Variants in FBXL20 observed in about 807,000 individuals in gnomAD.
The protein encoded by FBXL20 is F-box/LRR-repeat protein 20.
Under a neutral mutation model 64.0 loss-of-function variants are expected in FBXL20, and 11 were observed. The ratio of observed to expected loss-of-function variants is 0.17; its 90% CI spans 0.11 to 0.28. The LOEUF is 0.28. Among genes scored for constraint, FBXL20 ranks in the 10% least tolerant of loss-of-function variants. The pLI, the probability that FBXL20 is intolerant of heterozygous loss-of-function variation, is 1.00. For missense variants in FBXL20, 303 were observed against 526.2 expected (o/e 0.58, Z 4.15); for synonymous variants, 184 against 189.0 (o/e 0.97, Z 0.22).
intron 1 of FBXL20, among the ~76,000 whole-genome samples, chr17:39,351,892 A>T (rs991909502): frequency 1.3e-5 from 2 of 152,240 alleles, no homozygotes; most frequent in African/African-American, 4.8e-5. Context: ...AACTTGGTTT[A>T]TATACAATAA....
At chr17:39,367,940 T>C (rs2047877218) in intron 1 of FBXL20, among the ~76,000 whole-genome samples, 2 of 151,356 alleles carry the variant, frequency 1.3e-5, no homozygotes, top group South Asian at 4.2e-4. Flanking sequence ...ATTTTTTTTT[T>C]CTTTTTTTTG....
At chr17:39,394,478 CG>C (rs889716700) in intron 1 of FBXL20, among the ~76,000 whole-genome samples, 119 of 151,704 alleles carry the variant, frequency 7.8e-4, no homozygotes, top group African/African-American at 2.9e-3. Context: ...GGGGTTTCAC[CG>C]TGTTAGCCAG....
chr17:39,366,694 G>GA (rs1486063218), intron 1 of FBXL20, among the ~76,000 whole-genome samples: 1 of 152,150 alleles, frequency 6.6e-6, no homozygotes, highest in African/African-American at 2.4e-5. Context: ...GAAGATATCT[G>GA]AAGACACTGC....
rs185691468 is a variant in FBXL20, at chr17:39,327,706, G to A, written c.104+15474C>T. On this transcript the variant is annotated intron_variant, in intron 2 of 14. Transcript: ENST00000264658. ...CAAACATGTATTTCTTTTTTGTTTT[G>A]TTTTGTTTTTTCAAGACGGAATCTC... is the stretch of plus-strand genomic sequence containing the variant. Among the ~76,000 whole-genome samples, 441 of 151,952 alleles carry A rather than the reference G, an allele frequency of 2.9e-3. 2 individuals are homozygous for A. Among genetic ancestry groups the A allele is most frequent in the African/African-American group, 0.01 (422 of 41,478 alleles).
At chr17:39,285,867 C>T (rs552371173) in intron 6 of FBXL20, among the ~76,000 whole-genome samples, 3 of 152,258 alleles carry the variant, frequency 2.0e-5, no homozygotes, top group South Asian at 2.1e-4. Flanking sequence ...AATGTGAGTT[C>T]GAAGAGATCT....
intron 1 of FBXL20, among the ~76,000 whole-genome samples, chr17:39,369,256 CTTTTTTTTTTT>C (rs72363930): frequency 1.0e-5 from 1 of 98,578 alleles, no homozygotes; most frequent in South Asian, 3.2e-4. Flanking sequence ...GAATTCAATG[CTTTTTTTTTTT>C]TTTTTTTTTT....
intron 1 of FBXL20, among the ~76,000 whole-genome samples, chr17:39,363,827 C>CAAAA (rs1555612706): frequency 1.3e-5 from 1 of 78,028 alleles, no homozygotes; most frequent in East Asian, 3.8e-4. Flanking sequence ...AAAAAAAAAA[C>CAAAA]AAAAAACAAA....
chr17:39,330,913 G>A (rs1419799194), intron 2 of FBXL20, among the ~76,000 whole-genome samples: 1 of 152,110 alleles, frequency 6.6e-6, no homozygotes, highest in African/African-American at 2.4e-5. Flanking sequence ...GATAAATGAT[G>A]GTTAATTTGC....
intron 1 of FBXL20, among the ~76,000 whole-genome samples, chr17:39,370,295 A>G (rs1274415622): frequency 1.4e-5 from 2 of 145,118 alleles, no homozygotes; most frequent in Non-Finnish European, 3.0e-5. Flanking sequence ...GTTCGAGACC[A>G]GCCTGGCCAA....
At chr17:39,386,080 C>A (rs1186894070) in intron 1 of FBXL20, among the ~76,000 whole-genome samples, 1 of 149,704 alleles carries the variant, frequency 6.7e-6, no homozygotes, top group East Asian at 2.0e-4. Flanking sequence ...CGCGGTGGCT[C>A]ACACCTGTAA....
chr17:39,374,598 T>C (rs2047949431), intron 1 of FBXL20, among the ~76,000 whole-genome samples: 1 of 152,164 alleles, frequency 6.6e-6, no homozygotes, highest in South Asian at 2.1e-4. Context: ...TATTTTTCCT[T>C]GCTATAATAT....
At chr17:39,307,134 A>T (rs1286361585) in intron 2 of FBXL20, among the ~76,000 whole-genome samples, 1 of 152,178 alleles carries the variant, frequency 6.6e-6, no homozygotes, top group Admixed American at 6.5e-5. Context: ...AAACATTCTG[A>T]TTTGGAGGGT....
Position 39,261,503 on chromosome 17 carries a change from C to G in FBXL20, c.1268G>C (p.Gly423Ala), listed in dbSNP as rs778299784. 6.2e-7 allele frequency: 1 copy of G among 1,614,010 alleles called. No homozygotes were observed. The highest frequency in any genetic ancestry group is 1.3e-5 in the African/African-American group (1 of 75,036). Reference protein sequence around the residue: ...FAPVTPPPSVGGSRQRFCRCC... With the variant: ...FAPVTPPPSVAGSRQRFCRCC... ...TCTGCAGAAGCGCTGTCTGCTGCCC[C>G]CTACTGATGGGGGTGGAGTGACAGG... is the stretch of plus-strand genomic sequence containing the variant. Residue 423 changes from glycine (G) to alanine (A), a missense_variant, in exon 15 of 15, where the codon GGG becomes GCG. Around this residue, in one of 3 missense-constraint regions of FBXL20, gnomAD observed 56 missense variants for 86.0 expected, o/e 0.65. Transcript: ENST00000264658.
intron 1 of FBXL20, among the ~76,000 whole-genome samples, chr17:39,362,363 G>T (rs1398126066): frequency 6.6e-6 from 1 of 152,170 alleles, no homozygotes; most frequent in Non-Finnish European, 1.5e-5. Context: ...ACTTTAGAAG[G>T]CTGAGGTACG....
At chr17:39,350,620 G>C (rs1049554920) in intron 1 of FBXL20, among the ~76,000 whole-genome samples, 1 of 151,356 alleles carries the variant, frequency 6.6e-6, no homozygotes, top group African/African-American at 2.4e-5. Flanking sequence ...AAGGGAAAAA[G>C]AAACAGCACC....
intron 2 of FBXL20, among the ~76,000 whole-genome samples, chr17:39,312,084 AGG>A (rs1192761435): frequency 6.6e-6 from 1 of 152,130 alleles, no homozygotes; most frequent in East Asian, 1.9e-4. Flanking sequence ...AAAAATTAAG[AGG>A]AGAAGACAAA....
chr17:39,317,022 C>A (rs2047299446), intron 2 of FBXL20, among the ~76,000 whole-genome samples: 1 of 152,110 alleles, frequency 6.6e-6, no homozygotes, highest in Admixed American at 6.6e-5. Context: ...AATAATTAAC[C>A]AAACATAAGA....
chr17:39,393,132 T>TA (rs1264662303), intron 1 of FBXL20, among the ~76,000 whole-genome samples: 10 of 151,032 alleles, frequency 6.6e-5, no homozygotes, highest in Non-Finnish European at 1.3e-4. Flanking sequence ...CTACTAAAAA[T>TA]AAAAAAATTA....
At chr17:39,400,425 G>A (rs910525728) in intron 1 of FBXL20, among the ~76,000 whole-genome samples, 2 of 152,168 alleles carry the variant, frequency 1.3e-5, no homozygotes, top group South Asian at 2.1e-4. Flanking sequence ...GAGTGAGATT[G>A]TCCACTGAGC....
Sources: gnomAD v4.1 joint callset for allele counts (sites outside exome capture counted in the v4.1 genomes callset) on GRCh38, gnomAD v4.1.1 for gene constraint, gnomAD v4.1.1 regional missense constraint, MANE v1.5 for transcripts, NCBI Gene and HGNC (gene_info 2026-07-23, HGNC 2026-07-21) for gene names.